The following FCHO1 variants were observed in gnomAD, a reference collection of about 807,000 sequenced individuals.
FCHO1 encodes the protein FCH and mu domain containing endocytic adaptor 1.
In FCHO1, 45 loss-of-function variants were observed where a neutral mutation model predicts 114.4. The ratio of observed to expected loss-of-function variants is 0.39; its 90% CI spans 0.31 to 0.50. The LOEUF (loss-of-function observed/expected upper bound fraction) is 0.50. Ranked by LOEUF, FCHO1 falls within the 20% of genes least tolerant of loss-of-function variation. The pLI, the probability that FCHO1 is intolerant of heterozygous loss-of-function variation, is 0.77. For missense variants in FCHO1, 1,042 were observed against 1,209.6 expected (o/e 0.86, Z 2.06); for synonymous variants, 480 against 488.9 (o/e 0.98, Z 0.24).
chr19:17,775,570 C>G lies in FCHO1; in HGVS notation c.1003+57C>G. 1 of 1,476,532 alleles carries G rather than the reference C, an allele frequency of 6.8e-7. No homozygotes were observed. Among genetic ancestry groups the G allele is most frequent in the Non-Finnish European group, 9.5e-7 (1 of 1,055,320 alleles). 91.5% of individuals were successfully genotyped at this position (1,476,532 alleles called of 1,614,324 possible). A position where few individuals can be genotyped will look rare whatever the true frequency, so the allele number is the denominator to read the frequency against. ...TTGGCACAGCAAGGACAAAATTCTC[C>G]GTAATAACCAGTCCACCTTCAGCAG... is the stretch of plus-strand genomic sequence containing the variant. On this transcript the variant is annotated intron_variant, in intron 15 of 28. Coordinates refer to ENST00000596536, the MANE Select transcript of FCHO1 (RefSeq NM_015122.3). The surrounding 1 kb of genome is among the most constrained non-coding windows in gnomAD (Gnocchi z 5.1).
chr19:17,761,089 G>A (rs1301460760), intron 4 of FCHO1, among the ~76,000 whole-genome samples: 2 of 152,136 alleles, frequency 1.3e-5, no homozygotes, highest in Non-Finnish European at 2.9e-5. Flanking sequence ...GGCATTCGCA[G>A]GCACCAGGGT....
chr19:17,762,000 T>C (rs148851111), intron 4 of FCHO1, among the ~76,000 whole-genome samples: 1,090 of 99,956 alleles, frequency 0.011, 14 homozygotes, highest in African/African-American at 0.042. Flanking sequence ...TTCATTCATT[T>C]ATTTTGAGAC....
chr19:17,767,561 T>TCC (rs2089801597), intron 7 of FCHO1, among the ~76,000 whole-genome samples: 1 of 42,792 alleles, frequency 2.3e-5, no homozygotes, highest in African/African-American at 1.0e-4. Flanking sequence ...AGAAAGACTG[T>TCC]CTAAAAAAAA....
upstream of FCHO1, among the ~76,000 whole-genome samples, chr19:17,751,072 C>T (rs1047774083): frequency 2.6e-5 from 4 of 152,008 alleles, no homozygotes; most frequent in African/African-American, 7.2e-5. This position sits in a 1 kb window ranked among gnomAD's most constrained non-coding sequence, Gnocchi z 4.4. Flanking sequence ...AACCTCTTGA[C>T]CTCGTGATCC....
In FCHO1 at chr19:17,784,356, T is replaced by G; in HGVS notation, c.2226+121T>G. On this transcript the variant is annotated intron_variant, in intron 25 of 28. Transcript: ENST00000596536. The surrounding 1 kb of genome is among the most constrained non-coding windows in gnomAD (Gnocchi z 5.3). The stretch of plus-strand genomic sequence containing the variant: ...GTCTCGAATTCCTGACCTCAAGAGA[T>G]CCAATCTGTGAGAGCCGATGAGCTG... The G allele has an allele frequency of 7.8e-7, 1 of 1,278,946 alleles. No homozygotes were observed. Among genetic ancestry groups the G allele is most frequent in the South Asian group, 1.4e-5 (1 of 70,056 alleles). The allele number at this position is 1,278,946 out of a possible 1,614,324, so 79.2% of individuals were successfully genotyped here.
In FCHO1 at chr19:17,784,970, TAACCCCAG is replaced by T. The variant is rs748833297; in HGVS notation, c.2426+48_2426+55del. The T allele has an allele frequency of 4.4e-5, 70 of 1,581,450 alleles. No individual in the cohort carries two copies. The highest frequency in any genetic ancestry group is 1.0e-4 in the Admixed American group (6 of 59,736). ...AAGGAAAACTCAGCAGTTTCCCCCA[TAACCCCAG>T]ACCTTCTCCCTGATGCATTGATTAA... On this transcript the variant is annotated intron_variant, in intron 26 of 28. Transcript: ENST00000596536. This position sits in a 1 kb window ranked among gnomAD's most constrained non-coding sequence, Gnocchi z 5.3.
chr19:17,768,027 C>T (rs994621093), intron 7 of FCHO1, among the ~76,000 whole-genome samples: 1 of 152,046 alleles, frequency 6.6e-6, no homozygotes, highest in Non-Finnish European at 1.5e-5. Flanking sequence ...GTTTTTATGT[C>T]TTGTTTAAAA....
chr19:17,757,129 C>T (rs909309079), intron 4 of FCHO1, among the ~76,000 whole-genome samples: 1 of 148,374 alleles, frequency 6.7e-6, no homozygotes, highest in African/African-American at 2.5e-5. Flanking sequence ...GTGGAAGTCG[C>T]AGTGAGATCG....
At position 17,775,443 on chromosome 19, in the gene FCHO1, CT is replaced by C. The variant is rs1255070507; in HGVS notation, c.946-12del. On this transcript the variant is annotated splice_polypyrimidine_tract_variant and intron_variant, in intron 14 of 28. Coordinates refer to ENST00000596536, the MANE Select transcript of FCHO1 (RefSeq NM_015122.3). The surrounding 1 kb of genome is among the most constrained non-coding windows in gnomAD (Gnocchi z 5.1). ...GGGGCGCCTGACTCACTGCTGCCCC[CT>C]GACTCCCCTAGACATGTCCAGAGGT... is the stretch of plus-strand genomic sequence containing the variant. 3 of 1,613,564 alleles carry C rather than the reference CT, an allele frequency of 1.9e-6. No individual in the cohort carries two copies. The highest frequency in any genetic ancestry group is 2.5e-6 in the Non-Finnish European group (3 of 1,179,688).
rs769689184 is a variant in FCHO1, at chr19:17,778,647, T to A, written c.1390T>A (p.Phe464Ile). ...GGGCTTCACCTCCAGCCCCTCCCCTTTCTCCTCCTCGTCGCCCGAAAACGT... is the reference window on the plus strand; with the variant it reads ...GGGCTTCACCTCCAGCCCCTCCCCTATCTCCTCCTCGTCGCCCGAAAACGT... Reference protein sequence around the residue: ...SLGFTSSPSPFSSSSPENVED... With the variant: ...SLGFTSSPSPISSSSPENVED... The change falls in exon 20 of 29, where the codon TTC becomes ATC. Residue 464 changes from phenylalanine (F) to isoleucine (I), a missense_variant. Phe to Ile is a conservative substitution (Grantham distance 21). This residue lies in a region of FCHO1 where 455 missense variants were observed against 455.4 expected (regional missense o/e 1.00). Transcript: ENST00000596536. The A allele has an allele frequency of 1.0e-5, 16 of 1,577,898 alleles. No homozygotes were observed. The Admixed American group carries it at 2.8e-4, about 27-fold the overall frequency.
Position 17,776,705 on chromosome 19 carries a change from GGC to G in FCHO1, c.1259+20_1259+21del. 1 of 1,612,622 alleles carries G rather than the reference GGC, an allele frequency of 6.2e-7. No individual in the cohort carries two copies. Among genetic ancestry groups the G allele is most frequent in the Non-Finnish European group, 8.5e-7 (1 of 1,179,258 alleles). On this transcript the variant is annotated intron_variant, in intron 18 of 28. Transcript: ENST00000596536. This position sits in a 1 kb window ranked among gnomAD's most constrained non-coding sequence, Gnocchi z 4.4. ...CCAGCAGGTGGGTTCCACACGAGTG[GGC>G]AGGTGGGGGCTGTCCCCACCTCCTC...
chr19:17,748,136 C>G (rs1287584396), upstream of FCHO1, among the ~76,000 whole-genome samples: 1 of 152,140 alleles, frequency 6.6e-6, no homozygotes, highest in Non-Finnish European at 1.5e-5. Context: ...TCTGGGGCTG[C>G]AAAGATGGGG....
intron 4 of FCHO1, among the ~76,000 whole-genome samples, chr19:17,757,805 AC>A (rs1268332941): frequency 1.3e-5 from 2 of 150,866 alleles, no homozygotes; most frequent in Non-Finnish European, 1.5e-5. Context: ...GGTCCCAGCT[AC>A]TTGGGAGGCT....
chr19:17,763,651 G>A (rs2087428191), intron 5 of FCHO1, among the ~76,000 whole-genome samples: 2 of 141,032 alleles, frequency 1.4e-5, no homozygotes, highest in African/African-American at 2.7e-5. Context: ...TCGACCTACC[G>A]GGCCCAAGCG....
intron 22 of FCHO1, 27 bp downstream of exon 22, chr19:17,781,566 C>T: frequency 1.9e-6 from 3 of 1,611,318 alleles, no homozygotes; most frequent in Non-Finnish European, 2.5e-6. Context: ...CTGGGCCTGG[C>T]TTTGGGCCTC....
intron 8 of FCHO1, 96 bp from the exon 9 acceptor site, chr19:17,770,696 G>A (rs1375994447): frequency 6.3e-7 from 1 of 1,579,160 alleles, no homozygotes; most frequent in East Asian, 2.2e-5. Context: ...ATCACACCCT[G>A]GGTACCCCGA....
In FCHO1 at chr19:17,781,680, G is replaced by T. The variant is rs201554914; in HGVS notation, c.1829-32G>T. On this transcript the variant is annotated intron_variant, in intron 22 of 28. Transcript: ENST00000596536. Reference sequence around the variant, plus strand: ...GAGCCTATATTCACACTGTCTATCCGTTGTTCCCCATTCCCTCTCCACCAC... The same window carrying T: ...GAGCCTATATTCACACTGTCTATCCTTTGTTCCCCATTCCCTCTCCACCAC... 101 of 1,564,946 alleles carry T rather than the reference G, an allele frequency of 6.5e-5. No individual in the cohort carries two copies. The African/African-American group carries it at 1.3e-3, about 20-fold the overall frequency.
intron 4 of FCHO1, 144 bp downstream of exon 4, chr19:17,755,335 G>T: frequency 3.9e-6 from 3 of 770,272 alleles, no homozygotes; most frequent in Non-Finnish European, 4.3e-6. Flanking sequence ...GGAAGAGTCA[G>T]GCTGGGTTTG....
chr19:17,781,740 C>T lies in FCHO1; in HGVS notation c.1857C>T (p.Val619=). ...HGVSRGPSPV[V]LGSQDALPIA... ...TCTCCCGGGGTCCGAGCCCTGTGGT[C>T]CTGGGCTCCCAGGATGCCCTGCCCA... Residue 619 remains valine, a synonymous_variant, in exon 23 of 29, where the codon GTC becomes GTT. Coordinates refer to ENST00000596536, the MANE Select transcript of FCHO1 (RefSeq NM_015122.3). 6.2e-7 allele frequency: 1 copy of T among 1,610,364 alleles called. No homozygotes were observed. Among genetic ancestry groups the T allele is most frequent in the Non-Finnish European group, 8.5e-7 (1 of 1,178,140 alleles).
Sources: gnomAD v4.1 joint callset for allele counts (sites outside exome capture counted in the v4.1 genomes callset) on GRCh38, gnomAD v4.1.1 for gene constraint, gnomAD v4.1.1 regional missense constraint, Gnocchi (gnomAD v3.1) non-coding constraint, MANE v1.5 for transcripts, NCBI Gene and HGNC (gene_info 2026-07-23, HGNC 2026-07-21) for gene names.